The following TRMT11 variants were observed in gnomAD, a reference collection of about 807,000 sequenced individuals.
TRMT11 encodes tRNA (guanine(10)-N(2))-methyltransferase TRMT11.
A neutral mutation model predicts 62.8 loss-of-function variants in TRMT11; 53 were observed. That is an observed-to-expected ratio of 0.84 (90% CI 0.68 to 1.06). TRMT11 has a LOEUF of 1.06. TRMT11 is among the 50% of genes least tolerant of loss of function. TRMT11 has a pLI of 0.00. For synonymous variants in TRMT11, 188 were observed against 190.3 expected, an observed-to-expected ratio of 0.99 and a Z score of 0.10; for missense variants, 556 against 553.4, an observed-to-expected ratio of 1.00 and a Z score of -0.05.
In TRMT11 at chr6:126,077,448, A is replaced by G. The variant is rs80337657; in HGVS notation, c.*1437+24258A>G. Among the ~76,000 whole-genome samples the G allele has an allele frequency of 4.2e-4, 64 of 152,274 alleles. 2 individuals are homozygous for G. The East Asian group carries it at 0.012, about 29-fold the overall frequency. On this transcript the variant is annotated intron_variant and NMD_transcript_variant, in intron 17 of 22. Coordinates refer to the TRMT11 transcript ENST00000648977. The stretch of plus-strand genomic sequence containing the variant: ...CTAGAAAATCAAACAAGGCACGTGG[A>G]CACACAAAGGAGATAAGAGGCTCCA...
At chr6:126,148,491 T>C (rs1017635284) in intron 21 of TRMT11, among the ~76,000 whole-genome samples, 2 of 152,180 alleles carry the variant, frequency 1.3e-5, no homozygotes, top group African/African-American at 4.8e-5. Flanking sequence ...AGCAAGGCAA[T>C]ACAGTGCAGC....
intron 17 of TRMT11, among the ~76,000 whole-genome samples, chr6:126,077,889 G>T (rs968672221): frequency 6.6e-6 from 1 of 152,174 alleles, no homozygotes; most frequent in Non-Finnish European, 1.5e-5. Flanking sequence ...TAAATATGGT[G>T]AGAGTCAGAG....
chr6:126,004,351 T>A (rs1238255029), intron 7 of TRMT11, among the ~76,000 whole-genome samples: 1 of 152,048 alleles, frequency 6.6e-6, no homozygotes, highest in African/African-American at 2.4e-5. Context: ...GTCTGACTGT[T>A]CATATAGTAC....
chr6:126,173,152 G>A (rs1041744552), upstream of TRMT11, among the ~76,000 whole-genome samples: 13 of 152,024 alleles, frequency 8.6e-5, no homozygotes, highest in African/African-American at 3.1e-4. Context: ...TCTTCAAGGA[G>A]CTAACATTCT....
chr6:126,136,263 A>AG (rs1178245101), intron 21 of TRMT11, among the ~76,000 whole-genome samples: 1 of 151,662 alleles, frequency 6.6e-6, no homozygotes, highest in Non-Finnish European at 1.5e-5. Flanking sequence ...CTGCCAAAAA[A>AG]CTTTTAGAAC....
chr6:126,245,377 C>G, the TRMT11 span, among the ~76,000 whole-genome samples: 2 of 152,192 alleles, frequency 1.3e-5, no homozygotes, highest in African/African-American at 4.8e-5. Flanking sequence ...CTGTTCACCT[C>G]CTACTGTAAG....
intron 1 of TRMT11, among the ~76,000 whole-genome samples, chr6:126,193,126 T>C (rs77752558): frequency 0.093 from 14,148 of 152,152 alleles, 2,198 homozygotes; most frequent in African/African-American, 0.32. Context: ...TTGGTCTGGT[T>C]AGGTTTTTCC....
rs529988944 is a variant in TRMT11 at position 126,169,523 on chromosome 6, C to T, written c.*1824-5302C>T. ...GAAACGTTTCCTCCTGAAGATGATT[C>T]CTCTTGGTTTTGACTGCCTGGATCA... On this transcript the variant is annotated intron_variant and NMD_transcript_variant, in intron 21 of 22. Transcript: ENST00000648977. Among the ~76,000 whole-genome samples, 3 of 152,266 alleles carry T rather than the reference C, an allele frequency of 2.0e-5. No individual in the cohort carries two copies. In the East Asian group the frequency reaches 5.8e-4, roughly 29 times the overall value.
intron 12 of TRMT11, among the ~76,000 whole-genome samples, chr6:126,026,903 C>T (rs947666007): frequency 2.0e-5 from 3 of 148,112 alleles, no homozygotes; most frequent in African/African-American, 5.0e-5. Context: ...CCCGGGTTCA[C>T]GCCATTCTCC....
At chr6:126,100,321 T>C (rs1447402033) in intron 17 of TRMT11, among the ~76,000 whole-genome samples, 1 of 152,202 alleles carries the variant, frequency 6.6e-6, no homozygotes, top group Admixed American at 6.5e-5. Flanking sequence ...GTGTCGTGTC[T>C]AGTCACAATG....
chr6:126,184,984 T>C (rs1583902680), intron 1 of TRMT11, among the ~76,000 whole-genome samples: 1 of 152,308 alleles, frequency 6.6e-6, no homozygotes, highest in Non-Finnish European at 1.5e-5. Flanking sequence ...CAACTTTAAG[T>C]ATATGTAATA....
the TRMT11 span, among the ~76,000 whole-genome samples, chr6:126,209,996 G>C: frequency 6.6e-6 from 1 of 152,160 alleles, no homozygotes; most frequent in Non-Finnish European, 1.5e-5. Context: ...GTAAACAGAA[G>C]TCTAAGATGG....
chr6:126,200,844 C>T (rs1429956789), intron 3 of TRMT11, among the ~76,000 whole-genome samples: 3 of 152,154 alleles, frequency 2.0e-5, no homozygotes, highest in East Asian at 1.9e-4. Flanking sequence ...TGACCCACCG[C>T]GCCCGGCCCG....
At chr6:126,120,683 C>T (rs558262737) in intron 21 of TRMT11, among the ~76,000 whole-genome samples, 1 of 152,214 alleles carries the variant, frequency 6.6e-6, no homozygotes, top group African/African-American at 2.4e-5. Flanking sequence ...TATTGTAGTT[C>T]TCTATTGCCA....
chr6:126,120,084 A>G (rs1282488785), intron 21 of TRMT11, among the ~76,000 whole-genome samples: 2 of 151,548 alleles, frequency 1.3e-5, no homozygotes, highest in Non-Finnish European at 2.9e-5. Flanking sequence ...AACCAGCCTG[A>G]CCAACATGGT....
In TRMT11 at chr6:126,097,834, G is replaced by A. The variant is rs528534504; in HGVS notation, c.*1438-15032G>A. 5.9e-5 allele frequency among the ~76,000 whole-genome samples: 9 copies of A among 152,114 alleles called. No individual in the cohort carries two copies. In the South Asian group the frequency reaches 1.9e-3, roughly 32 times the overall value. On this transcript the variant is annotated intron_variant and NMD_transcript_variant, in intron 17 of 22. Coordinates refer to the TRMT11 transcript ENST00000648977. ...TTCTTGGGGCAGGGGCTGGGGTTGTGGGGAGTAGGAAGAGGAAGTGGGGAA... is the reference window on the plus strand; with the variant it reads ...TTCTTGGGGCAGGGGCTGGGGTTGTAGGGAGTAGGAAGAGGAAGTGGGGAA...
At chr6:126,252,533 TAAG>T in the TRMT11 span, among the ~76,000 whole-genome samples, 1 of 152,164 alleles carries the variant, frequency 6.6e-6, no homozygotes, top group Non-Finnish European at 1.5e-5. Flanking sequence ...TATCATAACT[TAAG>T]AAGGGCCAGA....
chr6:126,253,391 T>C, the TRMT11 span, among the ~76,000 whole-genome samples: 1 of 152,210 alleles, frequency 6.6e-6, no homozygotes, highest in Admixed American at 6.5e-5. Context: ...TTCTTTTAAA[T>C]AAGCAGGAGT....
At chr6:126,039,377 G>A (rs990784325), downstream of TRMT11, 1 of 152,206 alleles carries the variant, frequency 6.6e-6, no homozygotes, top group African/African-American at 2.4e-5. Flanking sequence ...TAATAGTGAT[G>A]ATAAGAAAGG....
Sources: gnomAD v4.1 joint callset for allele counts (sites outside exome capture counted in the v4.1 genomes callset) on GRCh38, gnomAD v4.1.1 for gene constraint, MANE v1.5 for transcripts, NCBI Gene and HGNC (gene_info 2026-07-23, HGNC 2026-07-21) for gene names.